MIA2: variants seen among roughly 807,000 people sequenced by gnomAD.
MIA2 encodes melanoma inhibitory activity protein 2.
A neutral mutation model predicts 167.8 loss-of-function variants in MIA2; 127 were observed. That is an observed-to-expected ratio of 0.76 (90% CI 0.66 to 0.88). MIA2 has a LOEUF of 0.88. Ranked by LOEUF, MIA2 falls within the 40% of genes least tolerant of loss-of-function variation. The pLI is 0.00. For missense variants in MIA2, 1,690 were observed against 1,624.7 expected, an observed-to-expected ratio of 1.04 and a Z score of -0.69; for synonymous variants, 552 against 541.9, an observed-to-expected ratio of 1.02 and a Z score of -0.26.
intron 23 of MIA2, among the ~76,000 whole-genome samples, chr14:39,372,672 C>G (rs941573512): frequency 1.6e-4 from 24 of 152,056 alleles, no homozygotes; most frequent in African/African-American, 4.8e-4. Context: ...GATATTAAAA[C>G]CTTTTTAATG....
intron 22 of MIA2, among the ~76,000 whole-genome samples, 181 bp downstream of exon 22, chr14:39,318,192 C>T (rs1350405277): frequency 1.3e-5 from 2 of 152,094 alleles, no homozygotes; most frequent in African/African-American, 2.4e-5. Flanking sequence ...TCTTAGGTCA[C>T]TGAAGTGGCA....
chr14:39,266,517 A>G (rs1369490310), intron 6 of MIA2: 7 of 985,430 alleles, frequency 7.1e-6, no homozygotes, highest in Non-Finnish European at 8.4e-6. Context: ...ACAAGTGCCC[A>G]GGTGACTCAG....
intron 3 of MIA2, among the ~76,000 whole-genome samples, chr14:39,242,458 G>T (rs2054090184): frequency 6.6e-6 from 1 of 152,010 alleles, no homozygotes; most frequent in Non-Finnish European, 1.5e-5. Flanking sequence ...AAGTAGCTGG[G>T]ATTACAGGCA....
At chr14:39,312,045 G>T (rs1031429655) in intron 18 of MIA2, among the ~76,000 whole-genome samples, 1 of 151,610 alleles carries the variant, frequency 6.6e-6, no homozygotes, top group African/African-American at 2.4e-5. Flanking sequence ...AGCCAGGCTG[G>T]TCTCGAACTC....
At chr14:39,365,657 ATC>A (rs943662143) in intron 23 of MIA2, among the ~76,000 whole-genome samples, 2 of 27,418 alleles carry the variant, frequency 7.3e-5, no homozygotes, top group African/African-American at 4.0e-4. Context: ...ATACCTATCT[ATC>A]TATCTATCTA....
chr14:39,339,475 A>G (rs2153045422), intron 25 of MIA2, among the ~76,000 whole-genome samples: 1 of 152,114 alleles, frequency 6.6e-6, no homozygotes, highest in South Asian at 2.1e-4. Context: ...TGTTAACTCT[A>G]TATTTTTTGT....
chr14:39,351,674 G>A (rs573172303), downstream of MIA2, among the ~76,000 whole-genome samples: 2 of 145,658 alleles, frequency 1.4e-5, no homozygotes, highest in African/African-American at 5.0e-5. Flanking sequence ...GTAGGAGTAT[G>A]CAGCAAGAAG....
chr14:39,386,992 C>T (rs756656194), exon 24 of MIA2: 5 of 754,558 alleles, frequency 6.6e-6, no homozygotes, highest in African/African-American at 1.8e-5. Flanking sequence ...AGATCTGTGA[C>T]GACTCGTATC....
chr14:39,361,036 T>C (rs2074671347), intron 23 of MIA2, among the ~76,000 whole-genome samples: 1 of 152,232 alleles, frequency 6.6e-6, no homozygotes, highest in African/African-American at 2.4e-5. Flanking sequence ...AATACTATGC[T>C]GTTTTGGTTA....
chr14:39,252,492 G>C (rs1203379336), intron 4 of MIA2, among the ~76,000 whole-genome samples: 1 of 152,040 alleles, frequency 6.6e-6, no homozygotes, highest in Non-Finnish European at 1.5e-5. Context: ...TTAACACCTT[G>C]GTTTTAGAAT....
At chr14:39,293,237 A>AT in intron 10 of MIA2, 34 bp from the exon 11 acceptor site, 3 of 1,373,654 alleles carry the variant, frequency 2.2e-6, no homozygotes, top group African/African-American at 1.4e-5. Flanking sequence ...AAAAATTCTT[A>AT]TATCTGTTTA....
chr14:39,374,894 T>G (rs1314303226), intron 23 of MIA2, among the ~76,000 whole-genome samples: 1 of 152,256 alleles, frequency 6.6e-6, no homozygotes, highest in Non-Finnish European at 1.5e-5. Flanking sequence ...ATTCTCATTT[T>G]AGGTAAAACC....
chr14:39,360,439 TG>T (rs1187059346), intron 23 of MIA2, among the ~76,000 whole-genome samples: 1 of 152,204 alleles, frequency 6.6e-6, no homozygotes, highest in East Asian at 1.9e-4. Context: ...TCATGTCCTT[TG>T]CCCATGTTTT....
intron 23 of MIA2, 44 bp downstream of exon 23, chr14:39,319,335 C>A: frequency 8.3e-6 from 7 of 839,864 alleles, no homozygotes; most frequent in Non-Finnish European, 1.2e-5. Flanking sequence ...ACATATTTTA[C>A]ATATATATAT....
intron 14 of MIA2, among the ~76,000 whole-genome samples, chr14:39,300,461 ATTT>A (rs1447643769): frequency 6.6e-6 from 1 of 152,064 alleles, no homozygotes; most frequent in African/African-American, 2.4e-5. Flanking sequence ...GATTTTTTAG[ATTT>A]TTAAGATTTT....
intron 6 of MIA2, among the ~76,000 whole-genome samples, chr14:39,269,555 T>C (rs2056751920): frequency 5.9e-5 from 9 of 151,752 alleles, no homozygotes; most frequent in Admixed American, 5.9e-4. Context: ...GTCTCATCCC[T>C]GTCACCCAGG....
Position 39,348,740 on chromosome 14 carries a change from T to G in MIA2, c.3838-3T>G. The stretch of plus-strand genomic sequence containing the variant: ...GTGACTGCCATATGTCAATTTGTTG[T>G]AGAATTTAAATGTGCCTGATTCATC... On this transcript the variant is annotated splice_region_variant and splice_polypyrimidine_tract_variant and intron_variant, in intron 27 of 28. Transcript: ENST00000640607. 6.2e-7 allele frequency: 1 copy of G among 1,613,858 alleles called. No individual in the cohort carries two copies. The highest frequency in any genetic ancestry group is 1.1e-5 in the South Asian group (1 of 91,080).
chr14:39,386,209 T>C, intron 23 of MIA2: 1 of 1,393,610 alleles, frequency 7.2e-7, no homozygotes, highest in Non-Finnish European at 1.0e-6. Flanking sequence ...AGCCAGATTT[T>C]ATACCCAGTT....
At position 39,348,059 on chromosome 14, in the gene MIA2, C is replaced by T. The variant is rs192035772; in HGVS notation, c.3837+288C>T. On this transcript the variant is annotated intron_variant, in intron 27 of 28. Coordinates refer to ENST00000640607, the MANE Select transcript of MIA2 (RefSeq NM_001329214.4). ...AAGTCCTGACCTCAGATGATCCACTCGCCTTGGCCTCCCAAAGTGCTGGTA... is the reference window on the plus strand; with the variant it reads ...AAGTCCTGACCTCAGATGATCCACTTGCCTTGGCCTCCCAAAGTGCTGGTA... 6.6e-5 allele frequency among the ~76,000 whole-genome samples: 10 copies of T among 152,234 alleles called. No homozygotes were observed. In the East Asian group the frequency reaches 1.4e-3, roughly 21 times the overall value.
Sources: allele counts gnomAD v4.1 joint callset (sites outside exome capture counted in the v4.1 genomes callset), GRCh38; gene constraint gnomAD v4.1.1; transcripts MANE v1.5; gene names NCBI Gene and HGNC (gene_info 2026-07-23, HGNC 2026-07-21).